PTPRD: variants seen among roughly 807,000 people sequenced by gnomAD.
The protein encoded by PTPRD is protein tyrosine phosphatase receptor type D.
A neutral mutation model predicts 214.5 loss-of-function variants in PTPRD; 34 were observed. The ratio of observed to expected loss-of-function variants is 0.16; its 90% CI spans 0.12 to 0.21. PTPRD has a LOEUF of 0.21. Ranked by LOEUF, PTPRD falls within the 10% of genes least tolerant of loss-of-function variation. The pLI is 1.00. For synonymous variants in PTPRD, 1,128 were observed against 845.7 expected (o/e 1.33, Z -5.79); for missense variants, 2,545 against 2,398.7 (o/e 1.06, Z -1.27).
chr9:9,531,536 A>G (rs2075461231), intron 8 of PTPRD, among the ~76,000 whole-genome samples: 1 of 152,128 alleles, frequency 6.6e-6, no homozygotes, highest in South Asian at 2.1e-4. Flanking sequence ...GGTGGCAAAA[A>G]TCTTACAGAA....
intron 2 of PTPRD, among the ~76,000 whole-genome samples, chr9:10,461,593 T>A (rs971017072): frequency 6.6e-6 from 1 of 151,704 alleles, no homozygotes; most frequent in African/African-American, 2.4e-5. Context: ...GAAAAAAACA[T>A]GTTGCATGAT....
At chr9:9,807,853 G>A (rs1760841315) in intron 5 of PTPRD, among the ~76,000 whole-genome samples, 1 of 152,102 alleles carries the variant, frequency 6.6e-6, no homozygotes, top group Non-Finnish European at 1.5e-5. Flanking sequence ...TTCCAAAACA[G>A]ATGATTCTGA....
intron 11 of PTPRD, among the ~76,000 whole-genome samples, chr9:9,001,307 G>C (rs1358680794): frequency 6.6e-6 from 1 of 152,008 alleles, no homozygotes. Context: ...AGCTATCTGT[G>C]CATTTGTGAA....
At chr9:9,486,366 C>A (rs954389063) in intron 8 of PTPRD, among the ~76,000 whole-genome samples, 1 of 151,950 alleles carries the variant, frequency 6.6e-6, no homozygotes, top group Non-Finnish European at 1.5e-5. Flanking sequence ...ATTCCCAAGG[C>A]AACAGTATTC....
chr9:9,264,794 T>C (rs1218066129), intron 9 of PTPRD, among the ~76,000 whole-genome samples: 1 of 151,316 alleles, frequency 6.6e-6, no homozygotes, highest in East Asian at 2.0e-4. Flanking sequence ...AAGAGAATTG[T>C]GTATGTCATA....
chr9:9,182,869 T>C (rs73403457), intron 10 of PTPRD, among the ~76,000 whole-genome samples: 2,683 of 152,078 alleles, frequency 0.018, 85 homozygotes, highest in African/African-American at 0.062. Context: ...TAACAATAAA[T>C]AGCTTTGTAG....
intron 10 of PTPRD, among the ~76,000 whole-genome samples, chr9:9,160,574 G>C (rs1487355313): frequency 6.6e-6 from 1 of 152,102 alleles, no homozygotes; most frequent in East Asian, 1.9e-4. Flanking sequence ...CTTGTCTTTT[G>C]CTGGTGGAAA....
chr9:8,843,101 G>A (rs1299461748), intron 11 of PTPRD, among the ~76,000 whole-genome samples: 1 of 152,152 alleles, frequency 6.6e-6, no homozygotes, highest in East Asian at 1.9e-4. Context: ...ATACAGCTAT[G>A]CAGTCACAAT....
chr9:10,298,629 A>G (rs759001626), intron 3 of PTPRD, among the ~76,000 whole-genome samples: 55 of 152,056 alleles, frequency 3.6e-4, no homozygotes, highest in Non-Finnish European at 6.2e-4. Flanking sequence ...TACAAGGTAG[A>G]CCCATTTCCC....
At chr9:8,437,042 A>G (rs1417762957) in intron 34 of PTPRD, among the ~76,000 whole-genome samples, 1 of 152,224 alleles carries the variant, frequency 6.6e-6, no homozygotes, top group Non-Finnish European at 1.5e-5. Flanking sequence ...TGCCATTTCA[A>G]ACTCCTTCTC....
chr9:8,421,542 G>A (rs72691077), intron 35 of PTPRD, among the ~76,000 whole-genome samples: 15,101 of 151,976 alleles, frequency 0.099, 841 homozygotes, highest in East Asian at 0.14. Flanking sequence ...CCCTTGCAAT[G>A]CCATGGATTC....
chr9:10,126,206 C>T (rs1313192144), intron 3 of PTPRD, among the ~76,000 whole-genome samples: 2 of 152,034 alleles, frequency 1.3e-5, no homozygotes, highest in East Asian at 3.9e-4. Flanking sequence ...AAATAGTGAG[C>T]TCGATTTTCC....
chr9:10,063,091 A>C (rs1187670534), intron 3 of PTPRD, among the ~76,000 whole-genome samples: 1 of 152,064 alleles, frequency 6.6e-6, no homozygotes, highest in East Asian at 1.9e-4. Flanking sequence ...TGGGAGTGAA[A>C]TTCTGCTTAA....
intron 5 of PTPRD, among the ~76,000 whole-genome samples, chr9:9,929,859 T>C (rs1032146558): frequency 2.0e-5 from 3 of 152,332 alleles, no homozygotes; most frequent in African/African-American, 7.2e-5. Context: ...ATATGAGTTA[T>C]TTTGAAATTA....
chr9:8,730,945 C>T (rs1053008503), intron 12 of PTPRD, among the ~76,000 whole-genome samples: 6 of 152,082 alleles, frequency 3.9e-5, no homozygotes, highest in East Asian at 1.9e-4. Flanking sequence ...TTCAAGACAC[C>T]GGAATGAACA....
intron 8 of PTPRD, among the ~76,000 whole-genome samples, chr9:9,521,984 C>G (rs2096986234): frequency 6.6e-6 from 1 of 151,776 alleles, no homozygotes; most frequent in African/African-American, 2.4e-5. Flanking sequence ...GTGGAGAAAC[C>G]CTGTGTTTAC....
intron 3 of PTPRD, among the ~76,000 whole-genome samples, chr9:10,127,120 G>A (rs2098825958): frequency 6.6e-6 from 1 of 152,164 alleles, no homozygotes; most frequent in South Asian, 2.1e-4. Context: ...TCCTTACTGT[G>A]CTGCTGTAAT....
rs972610999 is a variant in PTPRD at position 9,957,675 on chromosome 9, G to A, written c.-471-19065C>T. ...CAAAAAACCTTAACACAATATTAGT[G>A]ATACTGACAAATGAATCCTAAAATT... is the stretch of plus-strand genomic sequence containing the variant. On this transcript the variant is annotated intron_variant, in intron 4 of 45. Coordinates refer to ENST00000381196, the MANE Select transcript of PTPRD (RefSeq NM_002839.4). Among the ~76,000 whole-genome samples the A allele has an allele frequency of 2.2e-4, 34 of 151,944 alleles. 2 individuals are homozygous for A. Among genetic ancestry groups the A allele is most frequent in the Admixed American group, 2.2e-3 (34 of 15,266 alleles).
intron 9 of PTPRD, among the ~76,000 whole-genome samples, chr9:9,385,490 A>G (rs564752295): frequency 1.0e-3 from 158 of 152,302 alleles, no homozygotes; most frequent in Non-Finnish European, 1.9e-3. Flanking sequence ...TAATCACAGG[A>G]AACCAATCCT....
Sources: gnomAD v4.1 joint callset for allele counts (sites outside exome capture counted in the v4.1 genomes callset) on GRCh38, gnomAD v4.1.1 for gene constraint, MANE v1.5 for transcripts, NCBI Gene and HGNC (gene_info 2026-07-23, HGNC 2026-07-21) for gene names.